The following CUBN variants were observed in gnomAD, a reference collection of about 807,000 sequenced individuals.
CUBN encodes the protein cubilin, also known as 460 kDa receptor.
A neutral mutation model predicts 405.3 loss-of-function variants in CUBN; 282 were observed. The observed-to-expected ratio is 0.70, with a 90% CI of 0.63 to 0.77. The LOEUF (loss-of-function observed/expected upper bound fraction) is 0.77. CUBN is among the 30% of genes least tolerant of loss of function. The pLI, the probability that CUBN is intolerant of heterozygous loss-of-function variation, is 0.00. For missense variants in CUBN, 4,514 were observed against 4,475.2 expected (o/e 1.01, Z -0.25); for synonymous variants, 1,684 against 1,617.0 (o/e 1.04, Z -0.99).
intron 60 of CUBN, among the ~76,000 whole-genome samples, chr10:16,844,326 G>A (rs755226467): frequency 3.3e-5 from 5 of 151,142 alleles, no homozygotes; most frequent in Non-Finnish European, 7.4e-5. Flanking sequence ...ATCCCAGCCA[G>A]ACAGTAATAA....
chr10:16,872,074 T>C (rs1162341588), intron 58 of CUBN, among the ~76,000 whole-genome samples: 2 of 151,484 alleles, frequency 1.3e-5, no homozygotes, highest in South Asian at 2.1e-4. Context: ...AATATATATA[T>C]ATATACAAAA....
chr10:16,925,774 C>G lies in CUBN; in HGVS notation c.6272G>C (p.Ser2091Thr). 1 of 1,613,774 alleles carries G rather than the reference C, an allele frequency of 6.2e-7. No individual in the cohort carries two copies. ...GTCTGCATGCAAATATCCACCGCAGCCTTCCCACAAAGAAACAAAGGTCGG... is the reference window on the plus strand; with the variant it reads ...GTCTGCATGCAAATATCCACCGCAGGCTTCCCACAAAGAAACAAAGGTCGG... ...RAGFNASFHK[S>T]CGGYLHADRG... Residue 2091 changes from serine (S) to threonine (T), a missense_variant and splice_region_variant, in exon 42 of 67, where the codon AGC becomes ACC. Physicochemically the swap from Ser to Thr is moderately conservative, Grantham distance 58. This residue lies in a region of CUBN where 1,613 missense variants were observed against 1,542.8 expected (regional missense o/e 1.05). Coordinates refer to ENST00000377833, the MANE Select transcript of CUBN (RefSeq NM_001081.4).
chr10:16,961,304 G>A (rs980549864), intron 31 of CUBN, among the ~76,000 whole-genome samples: 12 of 152,132 alleles, frequency 7.9e-5, no homozygotes, highest in Admixed American at 4.6e-4. Context: ...TGGCTCAAGC[G>A]ATCCTGCCAC....
In CUBN at chr10:16,926,801, A is replaced by T. The variant is rs559918433; in HGVS notation, c.6272-1027T>A. Among the ~76,000 whole-genome samples, 185 of 120,832 alleles carry T rather than the reference A, an allele frequency of 1.5e-3. 7 individuals carry two copies. Among genetic ancestry groups the T allele is most frequent in the South Asian group, 9.9e-3 (33 of 3,344 alleles). The allele number at this position is 120,832 out of a possible 152,430, so 79.3% of individuals were successfully genotyped here. ...AAAGTGTTCAACTTTCAAAGGTGAAATTTTTTTTTCTATCTATCTATCTAT... is the reference window on the plus strand; with the variant it reads ...AAAGTGTTCAACTTTCAAAGGTGAATTTTTTTTTTCTATCTATCTATCTAT... On this transcript the variant is annotated intron_variant, in intron 41 of 66. Transcript: ENST00000377833.
intron 28 of CUBN, among the ~76,000 whole-genome samples, chr10:17,007,021 C>A (rs1398903326): frequency 6.6e-6 from 1 of 152,190 alleles, no homozygotes; most frequent in African/African-American, 2.4e-5. Flanking sequence ...CTCTCGCTCA[C>A]AAAGCTCCTT....
chr10:17,042,625 G>T (rs1046279206), intron 26 of CUBN, among the ~76,000 whole-genome samples: 1 of 152,110 alleles, frequency 6.6e-6, no homozygotes, highest in African/African-American at 2.4e-5. Context: ...TGATTACATA[G>T]TCAAACAGAT....
intron 31 of CUBN, among the ~76,000 whole-genome samples, chr10:16,956,242 T>C (rs1843060575): frequency 6.6e-6 from 1 of 152,124 alleles, no homozygotes; most frequent in African/African-American, 2.4e-5. Flanking sequence ...GCTAAAGCTC[T>C]TACAATAATA....
intron 35 of CUBN, 120 bp downstream of exon 35, chr10:16,948,358 G>T (rs1842838794): frequency 7.9e-7 from 1 of 1,265,120 alleles, no homozygotes; most frequent in South Asian, 1.3e-5. Context: ...GTAAGATTTG[G>T]CCCAGAGGTG....
intron 60 of CUBN, among the ~76,000 whole-genome samples, chr10:16,842,920 C>T (rs1287174563): frequency 6.6e-6 from 1 of 152,224 alleles, no homozygotes; most frequent in Non-Finnish European, 1.5e-5. Context: ...TGAAGCTGAA[C>T]CCACACAGCT....
intron 7 of CUBN, 150 bp from the exon 8 acceptor site, chr10:17,114,339 T>A: frequency 1.2e-6 from 1 of 800,706 alleles, no homozygotes; most frequent in Non-Finnish European, 2.1e-6. Flanking sequence ...TCCCATATGA[T>A]TAAGCATTTA....
chr10:17,054,875 A>C lies in CUBN; in HGVS notation c.3140-7272T>G, dbSNP rs1835355472. 1.3e-5 allele frequency among the ~76,000 whole-genome samples: 2 copies of C among 152,142 alleles called. 1 individual carries two copies. The highest frequency in any genetic ancestry group is 2.9e-5 in the Non-Finnish European group (2 of 67,996). On this transcript the variant is annotated intron_variant, in intron 22 of 66. Transcript: ENST00000377833. ...ATAATTTCACTGGTGGAATTGTATC[A>C]AACAATTAAGAAATTGTTTATATTC...
intron 13 of CUBN, 25 bp downstream of exon 13, chr10:17,103,100 T>C (rs1472236091): frequency 7.9e-7 from 1 of 1,273,552 alleles, no homozygotes; most frequent in Non-Finnish European, 1.1e-6. Flanking sequence ...ATAATATGCA[T>C]TTGGGCAAGA....
At position 16,920,026 on chromosome 10, in the gene CUBN, G is replaced by A. The variant is rs1432439289; in HGVS notation, c.6758C>T (p.Ala2253Val). Residue 2253 changes from alanine to valine, a missense_variant, in exon 44 of 67, where the codon GCT becomes GTT. Ala to Val is a moderately conservative substitution (Grantham distance 64). Around this residue, in one of 5 missense-constraint regions of CUBN, gnomAD observed 1,613 missense variants for 1,542.8 expected, o/e 1.05. Transcript: ENST00000377833. ...PHADCIWILA[A>V]PPETRIQLQF... ...CAGCTGTATGCGTGTTTCCGGTGGA[G>A]CCGCTAAGATCCAAATGCAATCAGC... 3 of 1,613,944 alleles carry A rather than the reference G, an allele frequency of 1.9e-6. No homozygotes were observed. The highest frequency in any genetic ancestry group is 2.5e-6 in the Non-Finnish European group (3 of 1,179,962).
chr10:17,059,364 T>C (rs1375659326), intron 22 of CUBN, among the ~76,000 whole-genome samples: 1 of 151,988 alleles, frequency 6.6e-6, no homozygotes, highest in African/African-American at 2.4e-5. Context: ...GCCACAGAAA[T>C]AGGATAAGCT....
chr10:16,909,605 C>A (rs1841663596), intron 48 of CUBN, among the ~76,000 whole-genome samples: 1 of 152,234 alleles, frequency 6.6e-6, no homozygotes, highest in African/African-American at 2.4e-5. Context: ...ATGTCGGAAA[C>A]TGTGATCAAT....
At chr10:17,014,586 G>A (rs2356212) in intron 28 of CUBN, among the ~76,000 whole-genome samples, 60,338 of 152,038 alleles carry the variant, frequency 0.4, 12,296 homozygotes, top group East Asian at 0.59. Context: ...GCTAAGATTA[G>A]GCCTAGATAT....
chr10:17,125,004 C>G (rs12260457), intron 4 of CUBN, among the ~76,000 whole-genome samples: 1,792 of 151,824 alleles, frequency 0.012, 27 homozygotes, highest in African/African-American at 0.041. Context: ...GCTAATTTTC[C>G]TATTTTTAGT....
At chr10:16,994,576 G>A (rs1278473259) in intron 28 of CUBN, among the ~76,000 whole-genome samples, 1 of 152,166 alleles carries the variant, frequency 6.6e-6, no homozygotes, top group Non-Finnish European at 1.5e-5. Flanking sequence ...GTCTGGAGAG[G>A]AAAGAAGTTA....
At chr10:17,117,384 G>GT (rs758032381) in intron 6 of CUBN, among the ~76,000 whole-genome samples, 207 of 151,526 alleles carry the variant, frequency 1.4e-3, no homozygotes, top group Middle Eastern at 0.014. Context: ...TTTTGTTTTT[G>GT]TTTTTTTTGA....
Sources: allele counts gnomAD v4.1 joint callset (sites outside exome capture counted in the v4.1 genomes callset), GRCh38; gene constraint gnomAD v4.1.1; regional missense constraint gnomAD v4.1.1; transcripts MANE v1.5; gene names NCBI Gene and HGNC (gene_info 2026-07-23, HGNC 2026-07-21).